CEP70: variants seen among roughly 807,000 people sequenced by gnomAD.
The protein encoded by CEP70 is centrosomal protein of 70 kDa.
Under a neutral mutation model 90.9 loss-of-function variants are expected in CEP70, and 70 were observed. The observed-to-expected ratio is 0.77, with a 90% CI of 0.64 to 0.94. CEP70 has a LOEUF of 0.94. Ranked by LOEUF, CEP70 falls within the 40% of genes least tolerant of loss-of-function variation. CEP70 has a pLI of 0.00. For synonymous variants in CEP70, 220 were observed against 228.3 expected, an observed-to-expected ratio of 0.96 and a Z score of 0.33; for missense variants, 648 against 669.0, an observed-to-expected ratio of 0.97 and a Z score of 0.35.
chr3:138,593,856 C>A (rs557070057), intron 1 of CEP70: 70 of 152,284 alleles, frequency 4.6e-4, no homozygotes, highest in African/African-American at 1.7e-3. Context: ...GAGTCTGTGC[C>A]CGACGTGATT....
At chr3:138,575,708 C>T (rs1045563041) in intron 2 of CEP70, among the ~76,000 whole-genome samples, 4 of 152,168 alleles carry the variant, frequency 2.6e-5, no homozygotes, top group Non-Finnish European at 5.9e-5. Flanking sequence ...AGAGAAAGCT[C>T]GGGTTACCCA....
intron 2 of CEP70, among the ~76,000 whole-genome samples, chr3:138,590,024 G>C (rs13062423): frequency 0.12 from 18,158 of 151,582 alleles, 2,226 homozygotes; most frequent in East Asian, 0.38. Context: ...AGGCTAAGAG[G>C]GAAAAAGCAG....
chr3:138,546,595 A>G (rs2039223527), intron 6 of CEP70, among the ~76,000 whole-genome samples: 1 of 152,086 alleles, frequency 6.6e-6, no homozygotes, highest in Non-Finnish European at 1.5e-5. Context: ...CTGAAAATAC[A>G]AAACTTAGCT....
chr3:138,578,761 G>A (rs1348248816), intron 2 of CEP70, among the ~76,000 whole-genome samples: 1 of 152,204 alleles, frequency 6.6e-6, no homozygotes, highest in South Asian at 2.1e-4. Flanking sequence ...ACATAAAAGT[G>A]AGCAAAGAAA....
At chr3:138,538,611 G>A (rs1197795987) in intron 6 of CEP70, among the ~76,000 whole-genome samples, 1 of 152,172 alleles carries the variant, frequency 6.6e-6, no homozygotes, top group African/African-American at 2.4e-5. Flanking sequence ...ATAGATATAT[G>A]TCCACAAGAA....
intron 13 of CEP70, among the ~76,000 whole-genome samples, chr3:138,501,884 A>AT (rs1441900621): frequency 6.6e-6 from 1 of 152,220 alleles, no homozygotes; most frequent in Non-Finnish European, 1.5e-5. Flanking sequence ...TGAATTTCGG[A>AT]TTTTTGGATC....
chr3:138,531,520 C>T (rs1043894133), intron 8 of CEP70: 5 of 152,222 alleles, frequency 3.3e-5, no homozygotes, highest in Admixed American at 1.3e-4. Context: ...CTACAACAGC[C>T]GAGTTGAGTA....
intron 6 of CEP70, among the ~76,000 whole-genome samples, chr3:138,555,534 C>G (rs1417147706): frequency 6.6e-6 from 1 of 152,070 alleles, no homozygotes; most frequent in Non-Finnish European, 1.5e-5. Context: ...GGACTAATAT[C>G]CAGAATCTAC....
At position 138,550,651 on chromosome 3, in the gene CEP70, C is replaced by A. The variant is rs182949822; in HGVS notation, c.466-13304G>T. On this transcript the variant is annotated intron_variant, in intron 6 of 17. Transcript: ENST00000264982. ...GTGCTGGGATTACAGGCATGAGCCA[C>A]CATGCCTGGCCAATTGCATAAATTA... Among the ~76,000 whole-genome samples the A allele has an allele frequency of 2.6e-5, 4 of 152,292 alleles. No homozygotes were observed. The East Asian group carries it at 7.7e-4, about 29-fold the overall frequency.
intron 17 of CEP70, chr3:138,495,761 A>G (rs1387368962): frequency 2.3e-6 from 1 of 427,784 alleles, no homozygotes; most frequent in Non-Finnish European, 3.1e-6. Flanking sequence ...TTGAGGCAGG[A>G]GAATTGCTTG....
In CEP70 at chr3:138,572,906, GTT is replaced by G; in HGVS notation, c.20_21del (p.Lys7ThrfsTer14). On this transcript the variant is annotated frameshift_variant, in exon 3 of 18. Transcript: ENST00000264982. LOFTEE classifies it high-confidence loss of function. MFPVAP[K>X]PQDSSQPSDR... ...TCTGATGGTTGACTGGAATCCTGGG[GTT>G]TAGGGGCTACCGGAAACATAGTTAC... 6.2e-7 allele frequency: 1 copy of G among 1,611,424 alleles called. No homozygotes were observed. Among genetic ancestry groups the G allele is most frequent in the Non-Finnish European group, 8.5e-7 (1 of 1,178,354 alleles).
intron 6 of CEP70, among the ~76,000 whole-genome samples, chr3:138,545,030 A>T (rs2039078923): frequency 6.6e-6 from 1 of 152,230 alleles, no homozygotes; most frequent in South Asian, 2.1e-4. Context: ...ATAATCTATT[A>T]TATATTTCAA....
At chr3:138,536,869 G>A (rs1040712373) in intron 7 of CEP70, 5 of 168,996 alleles carry the variant, frequency 3.0e-5, no homozygotes, top group Non-Finnish European at 6.3e-5. Flanking sequence ...CCCATACAGC[G>A]ATCTCTCAAT....
intron 11 of CEP70, among the ~76,000 whole-genome samples, chr3:138,514,386 C>T (rs1202653736): frequency 6.6e-6 from 1 of 152,188 alleles, no homozygotes; most frequent in Non-Finnish European, 1.5e-5. Context: ...TGCAATATCT[C>T]TAACAGATTG....
At chr3:138,577,860 T>G (rs2041638137) in intron 2 of CEP70, among the ~76,000 whole-genome samples, 3 of 152,080 alleles carry the variant, frequency 2.0e-5, no homozygotes, top group Admixed American at 1.3e-4. Flanking sequence ...AAAAAAGACT[T>G]CTAAAACACT....
Position 138,498,021 on chromosome 3 carries a change from G to C in CEP70, c.1732+10C>G. ...ACTCAAAATTTCACCATCACCACCA[G>C]AGATCTTACCTAAGATTTCAAGTAG... On this transcript the variant is annotated intron_variant, in intron 17 of 17. Coordinates refer to ENST00000264982, the MANE Select transcript of CEP70 (RefSeq NM_024491.4). 6.2e-7 allele frequency: 1 copy of C among 1,612,090 alleles called. No homozygotes were observed. The highest frequency in any genetic ancestry group is 8.5e-7 in the Non-Finnish European group (1 of 1,179,392).
intron 11 of CEP70, among the ~76,000 whole-genome samples, chr3:138,524,990 A>C (rs2037063582): frequency 6.6e-6 from 1 of 152,200 alleles, no homozygotes. Context: ...CACTATTCAC[A>C]ATAGCAAAGA....
Position 138,571,337 on chromosome 3 carries a change from T to TC in CEP70, c.88dup (p.Glu30GlyfsTer30). 6.2e-7 allele frequency: 1 copy of TC among 1,608,826 alleles called. No homozygotes were observed. ...CATCATCAATAGCACATTTATGCTTTCCCATTCTGCTTCTTCCTGCTACAA... is the reference window on the plus strand; with the variant it reads ...CATCATCAATAGCACATTTATGCTTTCCCCATTCTGCTTCTTCCTGCTACAA... On this transcript the variant is annotated frameshift_variant, in exon 4 of 18. Coordinates refer to ENST00000264982, the MANE Select transcript of CEP70 (RefSeq NM_024491.4). LOFTEE classifies it high-confidence loss of function.
intron 15 of CEP70, 31 bp from the exon 16 acceptor site, chr3:138,500,255 C>A (rs1396162345): frequency 4.5e-6 from 7 of 1,567,374 alleles, no homozygotes; most frequent in South Asian, 1.1e-5. Flanking sequence ...GATATTTTAA[C>A]AGAGAATTTC....
Sources: allele counts gnomAD v4.1 joint callset (sites outside exome capture counted in the v4.1 genomes callset), GRCh38; gene constraint gnomAD v4.1.1; transcripts MANE v1.5; gene names NCBI Gene and HGNC (gene_info 2026-07-23, HGNC 2026-07-21).